FRMPD4: variants seen among roughly 807,000 people sequenced by gnomAD.
FRMPD4 encodes FERM and PDZ domain containing 4.
A neutral mutation model predicts 94.1 loss-of-function variants in FRMPD4; 22 were observed. That is an observed-to-expected ratio of 0.23 (90% CI 0.17 to 0.33). The LOEUF is 0.33. Among genes scored for constraint, FRMPD4 ranks in the 10% least tolerant of loss-of-function variants. The probability of loss-of-function intolerance (pLI) is 1.00; values close to 1 mark genes in which losing one functional copy is unlikely to be tolerated. For synonymous variants in FRMPD4, 631 were observed against 548.6 expected (o/e 1.15, Z -2.10); for missense variants, 1,111 against 1,339.9 (o/e 0.83, Z 2.67).
chrX:12,108,552 G>C (rs1419764829), intron 3 of FRMPD4, among the ~76,000 whole-genome samples: 11 of 111,958 alleles, frequency 9.8e-5, no homozygotes, highest in Non-Finnish European at 2.1e-4. Flanking sequence ...TGTAATGACA[G>C]GATCAAATTC....
intron 1 of FRMPD4, among the ~76,000 whole-genome samples, chrX:12,497,053 GGAA>G (rs1336434918): frequency 9.0e-6 from 1 of 111,329 alleles, no homozygotes; most frequent in Non-Finnish European, 1.9e-5. Context: ...TTCATGGAGG[GGAA>G]GAAGAATGGA....
At chrX:12,207,152 G>C (rs2056702192) in intron 1 of FRMPD4, among the ~76,000 whole-genome samples, 1 of 111,861 alleles carries the variant, frequency 8.9e-6, no homozygotes, top group Non-Finnish European at 1.9e-5. Flanking sequence ...ATGATAGGGA[G>C]AGAGCTATAC....
intron 1 of FRMPD4, among the ~76,000 whole-genome samples, chrX:12,471,629 A>G (rs777783908): frequency 5.4e-5 from 6 of 111,781 alleles, no homozygotes; most frequent in Non-Finnish European, 9.4e-5. Flanking sequence ...CACAAGCCCC[A>G]AATTTGCCTT....
At chrX:12,350,758 G>A (rs1234976898) in intron 1 of FRMPD4, among the ~76,000 whole-genome samples, 1 of 112,555 alleles carries the variant, frequency 8.9e-6, no homozygotes, top group Non-Finnish European at 1.9e-5. Context: ...GTTTTAGAAT[G>A]AGTGTTTTTA....
At chrX:12,251,635 G>A (rs960360410) in intron 1 of FRMPD4, among the ~76,000 whole-genome samples, 2 of 111,942 alleles carry the variant, frequency 1.8e-5, no homozygotes, top group Non-Finnish European at 3.8e-5. Context: ...CTCACCAGGT[G>A]TTCCTTAGAG....
At chrX:12,061,997 G>C (rs1019497611) in intron 3 of FRMPD4, among the ~76,000 whole-genome samples, 3 of 111,731 alleles carry the variant, frequency 2.7e-5, no homozygotes, top group African/African-American at 9.7e-5. Flanking sequence ...AAATAAATAA[G>C]TCTCTATTCA....
At position 12,500,417 on chromosome X, in the gene FRMPD4, G is replaced by A. The variant is rs1012369084; in HGVS notation, c.158+1621G>A. Among the ~76,000 whole-genome samples, 23 of 111,602 alleles carry A rather than the reference G, an allele frequency of 2.1e-4. 1 individual carries two copies. Among genetic ancestry groups the A allele is most frequent in the Non-Finnish European group, 3.8e-5 (2 of 53,144 alleles). On this transcript the variant is annotated intron_variant, in intron 2 of 16. Transcript: ENST00000675598. The stretch of plus-strand genomic sequence containing the variant: ...AGGATTGTTGGAAAGTATCAACAGG[G>A]ACAACACATGTGAGTGTTGTGGACA...
intron 1 of FRMPD4, among the ~76,000 whole-genome samples, chrX:12,321,827 A>G (rs996294588): frequency 3.6e-5 from 4 of 112,079 alleles, no homozygotes; most frequent in African/African-American, 1.3e-4. Flanking sequence ...AGGAAGCAGC[A>G]TATCTGCTGG....
intron 2 of FRMPD4, among the ~76,000 whole-genome samples, chrX:12,595,158 A>G (rs1381183136): frequency 1.8e-5 from 2 of 111,804 alleles, no homozygotes; most frequent in Non-Finnish European, 3.8e-5. Flanking sequence ...ATGAACGTCA[A>G]TTATTGAAGA....
intron 1 of FRMPD4, among the ~76,000 whole-genome samples, chrX:12,445,573 A>C (rs5935344): frequency 0.26 from 29,262 of 111,489 alleles, 3,008 homozygotes; most frequent in Non-Finnish European, 0.32. Flanking sequence ...CAAATGTAAA[A>C]GGTCGGTAGT....
intron 4 of FRMPD4, among the ~76,000 whole-genome samples, chrX:12,637,309 G>T (rs1182380490): frequency 8.9e-6 from 1 of 111,925 alleles, no homozygotes; most frequent in Non-Finnish European, 1.9e-5. Flanking sequence ...AACATTTAAA[G>T]ATATTTTTAT....
chrX:11,890,962 C>T (rs947285496), intron 3 of FRMPD4, among the ~76,000 whole-genome samples: 1 of 112,711 alleles, frequency 8.9e-6, no homozygotes, highest in African/African-American at 3.2e-5. Context: ...CCTGCTCTGC[C>T]GTATGTGTGC....
intron 3 of FRMPD4, among the ~76,000 whole-genome samples, chrX:12,611,187 T>C (rs937428890): frequency 1.8e-5 from 2 of 111,900 alleles, no homozygotes; most frequent in Non-Finnish European, 3.8e-5. Flanking sequence ...GTGCTTTTAT[T>C]ATTTATTTAT....
intron 1 of FRMPD4, among the ~76,000 whole-genome samples, chrX:12,358,667 G>C (rs1286195477): frequency 8.9e-6 from 1 of 111,831 alleles, no homozygotes; most frequent in Non-Finnish European, 1.9e-5. Flanking sequence ...GGAAGTCTCT[G>C]AGAAAAGTCA....
At chrX:11,846,904 G>A (rs1489631028) in intron 1 of FRMPD4, among the ~76,000 whole-genome samples, 16 of 109,082 alleles carry the variant, frequency 1.5e-4, no homozygotes, top group Admixed American at 1.3e-3. Context: ...AGACTTAAAC[G>A]TTAGACCTAA....
chrX:11,922,607 G>T (rs890106307), intron 3 of FRMPD4, among the ~76,000 whole-genome samples: 6 of 112,016 alleles, frequency 5.4e-5, no homozygotes, highest in Non-Finnish European at 1.1e-4. Context: ...GATTTAAACT[G>T]GCAAAGAGCA....
intron 1 of FRMPD4, among the ~76,000 whole-genome samples, chrX:12,263,735 G>A (rs1160315930): frequency 9.1e-6 from 1 of 110,247 alleles, no homozygotes; most frequent in African/African-American, 3.3e-5. Context: ...GATATGGAGT[G>A]TGTCTTAGTC....
At chrX:11,857,332 A>C (rs758311258) in intron 1 of FRMPD4, among the ~76,000 whole-genome samples, 1 of 111,645 alleles carries the variant, frequency 9.0e-6, no homozygotes, top group South Asian at 3.7e-4. Flanking sequence ...AGTAACCAAA[A>C]CATCATGATC....
In FRMPD4 at chrX:12,505,476, C is replaced by T. The variant is rs572403721; in HGVS notation, c.158+6680C>T. On this transcript the variant is annotated intron_variant, in intron 2 of 16. Transcript: ENST00000675598. ...GGAGCGATGTCTCACACCTGTAATC[C>T]CAGCACTTTGGGAGGCTGAGGTGGG... is the stretch of plus-strand genomic sequence containing the variant. Among the ~76,000 whole-genome samples, 5 of 110,813 alleles carry T rather than the reference C, an allele frequency of 4.5e-5. No homozygotes were observed. The South Asian group carries it at 1.5e-3, about 34-fold the overall frequency.
Sources: allele counts gnomAD v4.1 joint callset (sites outside exome capture counted in the v4.1 genomes callset), GRCh38; gene constraint gnomAD v4.1.1; transcripts MANE v1.5; gene names NCBI Gene and HGNC (gene_info 2026-07-23, HGNC 2026-07-21).